The following TERT variants were observed in gnomAD, a reference collection of about 807,000 sequenced individuals.
The protein encoded by TERT is telomerase reverse transcriptase.
In TERT, 42 loss-of-function variants were observed where a neutral mutation model predicts 104.0. The ratio of observed to expected loss-of-function variants is 0.40; its 90% CI spans 0.32 to 0.52. TERT has a LOEUF of 0.52. Among genes scored for constraint, TERT ranks in the 20% least tolerant of loss-of-function variants. TERT has a pLI of 0.43. For synonymous variants in TERT, 781 were observed against 725.6 expected (o/e 1.08, Z -1.23); for missense variants, 1,101 against 1,610.3 (o/e 0.68, Z 5.41).
rs1314557347 is a variant in TERT, at chr5:1,286,072, C to G, written c.1574-3448G>C. Among the ~76,000 whole-genome samples, 2 of 152,122 alleles carry G rather than the reference C, an allele frequency of 1.3e-5. No individual in the cohort carries two copies. Among genetic ancestry groups the G allele is most frequent in the Non-Finnish European group, 2.9e-5 (2 of 68,026 alleles). On this transcript the variant is annotated intron_variant, in intron 2 of 15. Coordinates refer to ENST00000310581, the MANE Select transcript of TERT (RefSeq NM_198253.3). The surrounding 1 kb of genome is among the most constrained non-coding windows in gnomAD (Gnocchi z 5.3). ...CGCGGAGCCACCAGACCCCGACATG[C>G]CTGGGGTTTTCCAGGCTGAACCCAG...
At chr5:1,283,364 C>A (rs867633846) in intron 2 of TERT, among the ~76,000 whole-genome samples, 1 of 136,274 alleles carries the variant, frequency 7.3e-6, no homozygotes, top group Admixed American at 7.3e-5. Flanking sequence ...CCCGGACCTG[C>A]ACCATCTGGA....
Position 1,293,449 on chromosome 5 carries a change from G to A in TERT, c.1437C>T (p.Gly479=), listed in dbSNP as rs1378108036. ...LRRLVPPGLW[G]SRHNERRFLR... is the part of the protein sequence containing the mutation. ...GGAAGCGGCGTTCGTTGTGCCTGGA[G>A]CCCCAGAGGCCTGGGGGCACCAGCC... The change falls in exon 2 of 16, where the codon GGC becomes GGT. Residue 479 remains glycine (G), a synonymous_variant. Transcript: ENST00000310581. The A allele has an allele frequency of 1.7e-5, 28 of 1,610,766 alleles. No homozygotes were observed. The highest frequency in any genetic ancestry group is 2.4e-5 in the Non-Finnish European group (28 of 1,179,220).
chr5:1,293,622 C>T lies in TERT; in HGVS notation c.1264G>A (p.Ala422Thr), dbSNP rs1298013724. The part of the protein sequence containing the change: ...HCPLRAAVTP[A>T]AGVCAREKPQ... ...TTCTCCCGGGCACAGACACCGGCTG[C>T]TGGGGTGACCGCAGCTCGCAGCGGG... is the stretch of plus-strand genomic sequence containing the variant. Residue 422 changes from alanine to threonine, a missense_variant, in exon 2 of 16, where the codon GCA becomes ACA. Physicochemically the swap from Ala to Thr is moderately conservative, Grantham distance 58. Coordinates refer to ENST00000310581, the MANE Select transcript of TERT (RefSeq NM_198253.3). The T allele has an allele frequency of 3.2e-6, 5 of 1,551,786 alleles. No homozygotes were observed. Among genetic ancestry groups the T allele is most frequent in the Non-Finnish European group, 4.4e-6 (5 of 1,147,464 alleles).
At position 1,268,745 on chromosome 5, in the gene TERT, A is replaced by G. The variant is rs1748811523; in HGVS notation, c.2469-112T>C. On this transcript the variant is annotated intron_variant, in intron 8 of 15. Coordinates refer to ENST00000310581, the MANE Select transcript of TERT (RefSeq NM_198253.3). The surrounding 1 kb of genome is among the most constrained non-coding windows in gnomAD (Gnocchi z 5.5). Reference sequence around the variant, plus strand: ...CCTCATACACACAAACGACACGTCTACCATTCAGCCGGCAAACACCTCAGA... The same window carrying G: ...CCTCATACACACAAACGACACGTCTGCCATTCAGCCGGCAAACACCTCAGA... 5.7e-6 allele frequency: 4 copies of G among 705,300 alleles called. 1 individual carries two copies. In the Admixed American group the frequency reaches 8.6e-5, roughly 15 times the overall value. 43.7% of individuals were successfully genotyped at this position (705,300 alleles called of 1,614,324 possible). A position where few individuals can be genotyped will look rare whatever the true frequency, so the allele number is the denominator to read the frequency against.
intron 3 of TERT, among the ~76,000 whole-genome samples, chr5:1,281,625 C>T (rs1207732139): frequency 6.6e-6 from 1 of 152,220 alleles, no homozygotes; most frequent in East Asian, 1.9e-4. Context: ...CAAAATCTCA[C>T]AGCCATTCAA....
intron 2 of TERT, among the ~76,000 whole-genome samples, chr5:1,285,111 GC>G (rs1456342430): frequency 1.2e-5 from 1 of 80,730 alleles, no homozygotes; most frequent in African/African-American, 4.4e-5. Context: ...CCAGCTCACA[GC>G]AGGGCCTGGC....
Position 1,294,753 on chromosome 5 carries a change from G to T in TERT, c.219+18C>A. ...CCGCCCTCAACCCCAGCCGGACGCC[G>T]ACCCCGGGGAGGCCCACCTGGCGGA... On this transcript the variant is annotated intron_variant, in intron 1 of 15. Transcript: ENST00000310581. The T allele has an allele frequency of 6.4e-7, 1 of 1,553,534 alleles. No individual in the cohort carries two copies. The highest frequency in any genetic ancestry group is 1.4e-5 in the African/African-American group (1 of 73,022).
In TERT at chr5:1,258,000, C is replaced by G. The variant is rs1245177539; in HGVS notation, c.3032+598G>C. ...CTCCAGGCAGAAGCTGGCCCTGTGG[C>G]CTCCACAGATTGGCCCTTCCCTCTG... is the stretch of plus-strand genomic sequence containing the variant. On this transcript the variant is annotated intron_variant, in intron 13 of 15. Transcript: ENST00000310581. This position sits in a 1 kb window ranked among gnomAD's most constrained non-coding sequence, Gnocchi z 5.6. 6.6e-6 allele frequency among the ~76,000 whole-genome samples: 1 copy of G among 152,226 alleles called. No individual in the cohort carries two copies. Among genetic ancestry groups the G allele is most frequent in the African/African-American group, 2.4e-5 (1 of 41,464 alleles).
chr5:1,268,716 A>C lies in TERT; in HGVS notation c.2469-83T>G, dbSNP rs1748807659. ...CTCAAACCGAGCCACACACAGACAC[A>C]GAACCTCATACACACAAACGACACG... On this transcript the variant is annotated intron_variant, in intron 8 of 15. Coordinates refer to ENST00000310581, the MANE Select transcript of TERT (RefSeq NM_198253.3). The surrounding 1 kb of genome is among the most constrained non-coding windows in gnomAD (Gnocchi z 5.5). The C allele has an allele frequency of 1.1e-6, 1 of 894,188 alleles. No homozygotes were observed. The highest frequency in any genetic ancestry group is 1.6e-5 in the African/African-American group (1 of 60,932). The allele number at this position is 894,188 out of a possible 1,614,324, so 55.4% of individuals were successfully genotyped here.
At chr5:1,282,649 T>C (rs1209263165) in intron 2 of TERT, 25 bp from the exon 3 acceptor site, 5 of 1,612,448 alleles carry the variant, frequency 3.1e-6, no homozygotes, top group Non-Finnish European at 4.2e-6. Context: ...ACATGCCACA[T>C]CCAGATCACC....
Position 1,268,573 on chromosome 5 carries a change from G to T in TERT, c.2529C>A (p.Ser843Arg). The T allele has an allele frequency of 6.2e-7, 1 of 1,613,468 alleles. No homozygotes were observed. The highest frequency in any genetic ancestry group is 8.5e-7 in the Non-Finnish European group (1 of 1,180,008). The change falls in exon 9 of 16, where the codon AGC becomes AGA. Residue 843 changes from serine (S) to arginine (R), a missense_variant. Ser to Arg is a moderately radical substitution (Grantham distance 110). Coordinates refer to ENST00000310581, the MANE Select transcript of TERT (RefSeq NM_198253.3). The surrounding 1 kb of genome is among the most constrained non-coding windows in gnomAD (Gnocchi z 5.5). The part of the protein sequence containing the change: ...QGSILSTLLC[S>R]LCYGDMENKL... ...TGTTCTCCATGTCGCCGTAGCACAG[G>T]CTGCAGAGCAGCGTGGAGAGGATGG...
rs1446051158 is a variant in TERT at position 1,288,472 on chromosome 5, A to G, written c.1573+4841T>C. Among the ~76,000 whole-genome samples the G allele has an allele frequency of 1.3e-5, 2 of 152,150 alleles. No individual in the cohort carries two copies. Among genetic ancestry groups the G allele is most frequent in the Non-Finnish European group, 2.9e-5 (2 of 68,038 alleles). Reference sequence around the variant, plus strand: ...CCCTCCACGTGGGTCTCAGAGCAGGAGACAGACAGAGACACTCCAACCTGT... The same window carrying G: ...CCCTCCACGTGGGTCTCAGAGCAGGGGACAGACAGAGACACTCCAACCTGT... On this transcript the variant is annotated intron_variant, in intron 2 of 15. Coordinates refer to ENST00000310581, the MANE Select transcript of TERT (RefSeq NM_198253.3). This position sits in a 1 kb window ranked among gnomAD's most constrained non-coding sequence, Gnocchi z 5.3.
rs1751282799 is a variant in TERT, at chr5:1,294,758, C to G, written c.219+13G>C. The stretch of plus-strand genomic sequence containing the variant: ...CTCAACCCCAGCCGGACGCCGACCC[C>G]GGGGAGGCCCACCTGGCGGAAGGAG... On this transcript the variant is annotated intron_variant, in intron 1 of 15. Coordinates refer to ENST00000310581, the MANE Select transcript of TERT (RefSeq NM_198253.3). 6.5e-7 allele frequency: 1 copy of G among 1,549,398 alleles called. No individual in the cohort carries two copies. Among genetic ancestry groups the G allele is most frequent in the Non-Finnish European group, 8.6e-7 (1 of 1,156,840 alleles).
chr5:1,267,933 T>C (rs893496019), intron 9 of TERT, among the ~76,000 whole-genome samples: 32 of 151,816 alleles, frequency 2.1e-4, no homozygotes, highest in African/African-American at 7.8e-4. Context: ...TGTATACATA[T>C]GTAACTAACC....
In TERT at chr5:1,293,503, C is replaced by T. The variant is rs1751128229; in HGVS notation, c.1383G>A (p.Val461=). 6.3e-7 allele frequency: 1 copy of T among 1,580,346 alleles called. No homozygotes were observed. The highest frequency in any genetic ancestry group is 8.6e-7 in the Non-Finnish European group (1 of 1,163,852). The part of the protein sequence containing the change: ...LLRQHSSPWQ[V]YGFVRACLRR... ...GCAGGCAGGCCCGCACGAAGCCGTA[C>T]ACCTGCCAGGGGCTGCTGTGCTGGC... The change falls in exon 2 of 16, where the codon GTG becomes GTA. Residue 461 remains valine, a synonymous_variant. Transcript: ENST00000310581.
In TERT at chr5:1,293,432, C is replaced by A. The variant is rs1365529939; in HGVS notation, c.1454G>T (p.Arg485Leu). ...PGLWGSRHNERRFLRNTKKFI... is the reference protein window; with the variant it reads ...PGLWGSRHNELRFLRNTKKFI... ...CTTCTTGGTGTTCCTGAGGAAGCGG[C>A]GTTCGTTGTGCCTGGAGCCCCAGAG... The change falls in exon 2 of 16, where the codon CGC (arginine) becomes CTC (leucine). Residue 485 changes from arginine to leucine, a missense_variant. Arg to Leu is a moderately radical substitution (Grantham distance 102). Around this residue, in one of 5 missense-constraint regions of TERT, gnomAD observed 504 missense variants for 544.6 expected, o/e 0.93. Coordinates refer to ENST00000310581, the MANE Select transcript of TERT (RefSeq NM_198253.3). 6.2e-7 allele frequency: 1 copy of A among 1,612,258 alleles called. No individual in the cohort carries two copies. The highest frequency in any genetic ancestry group is 2.2e-5 in the East Asian group (1 of 44,866).
Position 1,270,387 on chromosome 5 carries a change from C to T in TERT, c.2468+732G>A, listed in dbSNP as rs1324497501. ...CCTTGCTGATGACCTTGAGTGTGCA[C>T]GAATTTCCTCCGTGCTACCACTCTC... On this transcript the variant is annotated intron_variant, in intron 8 of 15. Transcript: ENST00000310581. This position sits in a 1 kb window ranked among gnomAD's most constrained non-coding sequence, Gnocchi z 8.3. 6.6e-6 allele frequency among the ~76,000 whole-genome samples: 1 copy of T among 152,328 alleles called. No individual in the cohort carries two copies. Among genetic ancestry groups the T allele is most frequent in the Middle Eastern group, 3.4e-3 (1 of 294 alleles).
Position 1,293,728 on chromosome 5 carries a change from G to A in TERT, c.1158C>T (p.Tyr386=), listed in dbSNP as rs1362557528. ...PRRLPRLPQR[Y]WQMRPLFLEL... is the part of the protein sequence containing the mutation. ...CCAGAAACAGGGGCCGCATTTGCCA[G>A]TAGCGCTGGGGCAGGCGGGGCAACC... is the stretch of plus-strand genomic sequence containing the variant. Residue 386 remains tyrosine, a synonymous_variant, in exon 2 of 16, where the codon TAC becomes TAT. Transcript: ENST00000310581. The A allele has an allele frequency of 3.2e-6, 5 of 1,569,776 alleles. No individual in the cohort carries two copies. Among genetic ancestry groups the A allele is most frequent in the Non-Finnish European group, 4.3e-6 (5 of 1,157,808 alleles).
At position 1,253,800 on chromosome 5, in the gene TERT, C is replaced by A; in HGVS notation, c.3327G>T (p.Gly1109=). The change falls in exon 16 of 16, where the codon GGG becomes GGT. Residue 1109 remains glycine (G), a synonymous_variant. Transcript: ENST00000310581. ...CGGCCTCCAGGGCAGTCAGCGTCGT[C>A]CCCGGGAGCTTCCGACTCAGCTGCG... ...AQTQLSRKLP[G]TTLTALEAAA... 1 of 1,611,752 alleles carries A rather than the reference C, an allele frequency of 6.2e-7. No individual in the cohort carries two copies. Among genetic ancestry groups the A allele is most frequent in the Non-Finnish European group, 8.5e-7 (1 of 1,179,668 alleles).
Sources: allele counts gnomAD v4.1 joint callset (sites outside exome capture counted in the v4.1 genomes callset), GRCh38; gene constraint gnomAD v4.1.1; regional missense constraint gnomAD v4.1.1; non-coding constraint Gnocchi (gnomAD v3.1); transcripts MANE v1.5; gene names NCBI Gene and HGNC (gene_info 2026-07-23, HGNC 2026-07-21).